MGAT5: variants seen among roughly 807,000 people sequenced by gnomAD.
The protein encoded by MGAT5 is alpha-1,6-mannosylglycoprotein 6-beta-N-acetylglucosaminyltransferase, also known as alpha-1,6-mannosylglycoprotein 6-beta-N-acetylglucosaminyltransferase A.
Under a neutral mutation model 94.3 loss-of-function variants are expected in MGAT5, and 30 were observed. That is an observed-to-expected ratio of 0.32 (90% CI 0.24 to 0.43). The LOEUF (loss-of-function observed/expected upper bound fraction) is 0.43, where lower values mean the gene tolerates loss of function less well. Among genes scored for constraint, MGAT5 ranks in the 20% least tolerant of loss-of-function variants. MGAT5 has a pLI of 1.00. For missense variants in MGAT5, 691 were observed against 905.5 expected (o/e 0.76, Z 3.04); for synonymous variants, 310 against 322.9 (o/e 0.96, Z 0.43).
At chr2:134,421,942 A>G (rs1032078887) in intron 12 of MGAT5, among the ~76,000 whole-genome samples, 1 of 151,682 alleles carries the variant, frequency 6.6e-6, no homozygotes, top group Non-Finnish European at 1.5e-5. Context: ...CGGACACAGG[A>G]GAATCATTTG....
Position 134,448,682 on chromosome 2 carries a change from C to T in MGAT5, c.2061C>T (p.Ala687=). Residue 687 remains alanine (A), a synonymous_variant, in exon 16 of 16, where the codon GCC becomes GCT. Coordinates refer to ENST00000281923, the MANE Select transcript of MGAT5 (RefSeq NM_002410.5). ...YKVTCQSSEL[A]KDILVPSFDP... is the part of the protein sequence containing the mutation. The stretch of plus-strand genomic sequence containing the variant: ...TGACCTGCCAAAGCTCAGAGCTGGC[C>T]AAGGACATCCTGGTGCCCTCCTTTG... The T allele has an allele frequency of 6.2e-7, 1 of 1,614,196 alleles. No homozygotes were observed. Among genetic ancestry groups the T allele is most frequent in the Non-Finnish European group, 8.5e-7 (1 of 1,180,034 alleles).
chr2:134,321,698 C>T (rs192457537), intron 4 of MGAT5, among the ~76,000 whole-genome samples: 37 of 152,258 alleles, frequency 2.4e-4, no homozygotes, highest in African/African-American at 8.2e-4. Flanking sequence ...ATGCAGATAT[C>T]GGGTGGTCTT....
chr2:134,235,551 G>GT (rs1008665213), intron 1 of MGAT5, among the ~76,000 whole-genome samples: 2 of 152,032 alleles, frequency 1.3e-5, no homozygotes, highest in African/African-American at 4.8e-5. Flanking sequence ...GACAGGGCCG[G>GT]TAACACCATG....
At chr2:134,420,445 G>A (rs1684231224) in intron 12 of MGAT5, among the ~76,000 whole-genome samples, 1 of 152,218 alleles carries the variant, frequency 6.6e-6, no homozygotes, top group African/African-American at 2.4e-5. Context: ...GGCTGCTGCT[G>A]GATAGAGGCC....
In MGAT5 at chr2:134,265,600, A is replaced by G. The variant is rs1451821753; in HGVS notation, c.242-4786A>G. 2.0e-5 allele frequency among the ~76,000 whole-genome samples: 3 copies of G among 152,320 alleles called. No homozygotes were observed. In the East Asian group the frequency reaches 5.8e-4, roughly 29 times the overall value. ...TTTCAACTACTTTGATCTCGTCTTC[A>G]TCATGTACAGTAAGTTTTAGGAATG... On this transcript the variant is annotated intron_variant, in intron 1 of 15. Coordinates refer to ENST00000281923, the MANE Select transcript of MGAT5 (RefSeq NM_002410.5).
At chr2:134,251,109 T>A (rs1390983958), upstream of MGAT5, among the ~76,000 whole-genome samples, 1 of 152,150 alleles carries the variant, frequency 6.6e-6, no homozygotes, top group Non-Finnish European at 1.5e-5. Flanking sequence ...AAAATCACCT[T>A]TTTTGATGTA....
chr2:134,416,579 T>C (rs1683985083), intron 12 of MGAT5, among the ~76,000 whole-genome samples: 1 of 151,258 alleles, frequency 6.6e-6, no homozygotes, highest in Non-Finnish European at 1.5e-5. Flanking sequence ...TCTAGTGATA[T>C]TTCTTCCTCA....
At chr2:134,249,758 C>T (rs1279026914), upstream of MGAT5, among the ~76,000 whole-genome samples, 2 of 152,196 alleles carry the variant, frequency 1.3e-5, no homozygotes, top group African/African-American at 2.4e-5. Context: ...CACGTATTTT[C>T]ATTTCTCTTG....
At chr2:134,389,389 A>G (rs1203253739) in intron 10 of MGAT5, among the ~76,000 whole-genome samples, 1 of 152,226 alleles carries the variant, frequency 6.6e-6, no homozygotes, top group Non-Finnish European at 1.5e-5. Flanking sequence ...GACCTAGACA[A>G]CATCTGCACT....
At position 134,450,253 on chromosome 2, in the gene MGAT5, C is replaced by T. The variant is rs111582118; in HGVS notation, c.*1406C>T. On this transcript the variant is annotated 3_prime_UTR_variant, in exon 16 of 16. Coordinates refer to ENST00000281923, the MANE Select transcript of MGAT5 (RefSeq NM_002410.5). ...TGAGACCCCTTCTGCCTAATGTGAGCGGTTGGCGTCCTCCACTTGGCCTCT... is the reference window on the plus strand; with the variant it reads ...TGAGACCCCTTCTGCCTAATGTGAGTGGTTGGCGTCCTCCACTTGGCCTCT... The T allele has an allele frequency of 5.4e-3, 817 of 152,412 alleles. 5 individuals carry two copies. Among genetic ancestry groups the T allele is most frequent in the African/African-American group, 0.018 (769 of 41,584 alleles). The allele number at this position is 152,412 out of a possible 1,614,324, so 9.4% of individuals were successfully genotyped here. A position where few individuals can be genotyped will look rare whatever the true frequency, so the allele number is the denominator to read the frequency against.
intron 1 of MGAT5, among the ~76,000 whole-genome samples, chr2:134,128,975 C>T (rs946988839): frequency 1.3e-5 from 2 of 152,134 alleles, no homozygotes; most frequent in Admixed American, 1.3e-4. Context: ...TGTGACTGTT[C>T]TATTTCCTCA....
Position 134,189,034 on chromosome 2 carries a change from C to G in MGAT5, c.-142-65228C>G, listed in dbSNP as rs369158320. The stretch of plus-strand genomic sequence containing the variant: ...CGAATGCAGAGCTCCTGTGTCTTGT[C>G]CCTTGGAACTAGGGTGTGTCACCTG... On this transcript the variant is annotated intron_variant, in intron 1 of 16. Transcript: ENST00000409645. Among the ~76,000 whole-genome samples, 8 of 152,288 alleles carry G rather than the reference C, an allele frequency of 5.3e-5. No homozygotes were observed. In the East Asian group the frequency reaches 1.2e-3, roughly 22 times the overall value.
rs985776540 is a variant in MGAT5 at position 134,230,891 on chromosome 2, T to C, written c.-142-23371T>C. ...ACGCTCATAGCAGTTTTATTCATAA[T>C]AGTATCAATTGATGAATAGATCAAC... is the stretch of plus-strand genomic sequence containing the variant. On this transcript the variant is annotated intron_variant, in intron 1 of 16. Coordinates refer to the MGAT5 transcript ENST00000409645. Among the ~76,000 whole-genome samples the C allele has an allele frequency of 2.6e-5, 4 of 152,140 alleles. No homozygotes were observed. In the East Asian group the frequency reaches 7.7e-4, roughly 29 times the overall value.
In MGAT5 at chr2:134,268,754, C is replaced by T. The variant is rs1010927159; in HGVS notation, c.242-1632C>T. ...CCTTATAAATATTAACTCTTTAACT[C>T]CTCTTGACAACCTCAAAGCTGAAGT... is the stretch of plus-strand genomic sequence containing the variant. On this transcript the variant is annotated intron_variant, in intron 1 of 15. Coordinates refer to ENST00000281923, the MANE Select transcript of MGAT5 (RefSeq NM_002410.5). The surrounding 1 kb of genome is among the most constrained non-coding windows in gnomAD (Gnocchi z 4.1). Among the ~76,000 whole-genome samples, 3 of 152,288 alleles carry T rather than the reference C, an allele frequency of 2.0e-5. No individual in the cohort carries two copies. Among genetic ancestry groups the T allele is most frequent in the Middle Eastern group, 3.4e-3 (1 of 294 alleles).
At chr2:134,167,915 G>T (rs186914464) in intron 1 of MGAT5, among the ~76,000 whole-genome samples, 5 of 152,186 alleles carry the variant, frequency 3.3e-5, no homozygotes, top group African/African-American at 1.2e-4. Flanking sequence ...TGTACCTGGG[G>T]ACCATTTGTA....
chr2:134,124,223 C>G (rs1416498112), intron 1 of MGAT5, among the ~76,000 whole-genome samples: 1 of 152,176 alleles, frequency 6.6e-6, no homozygotes, highest in Non-Finnish European at 1.5e-5. Context: ...CAAGGTGGGT[C>G]CCAGGAGCCT....
chr2:134,139,690 T>C (rs1322597277), intron 1 of MGAT5, among the ~76,000 whole-genome samples: 1 of 152,136 alleles, frequency 6.6e-6, no homozygotes, highest in East Asian at 1.9e-4. Flanking sequence ...CTTGCAGCCT[T>C]CTAAGCCAGC....
intron 1 of MGAT5, among the ~76,000 whole-genome samples, chr2:134,178,865 T>C (rs1408605620): frequency 6.6e-6 from 1 of 152,236 alleles, no homozygotes; most frequent in African/African-American, 2.4e-5. Context: ...TTACTGAATG[T>C]TTCCTGTGTG....
chr2:134,270,268 C>G, intron 1 of MGAT5, 118 bp from the exon 2 acceptor site: 2 of 1,003,394 alleles, frequency 2.0e-6, no homozygotes, highest in Non-Finnish European at 2.9e-6. Flanking sequence ...TTTGACAGAT[C>G]TTTTGTATCA....
Sources: allele counts gnomAD v4.1 joint callset (sites outside exome capture counted in the v4.1 genomes callset), GRCh38; gene constraint gnomAD v4.1.1; non-coding constraint Gnocchi (gnomAD v3.1); transcripts MANE v1.5; gene names NCBI Gene and HGNC (gene_info 2026-07-23, HGNC 2026-07-21).